Variants in WWOX observed in about 807,000 individuals in gnomAD.
The protein encoded by WWOX is WW domain containing oxidoreductase, also known as WW domain-containing oxidoreductase.
WWOX carries 69 observed loss-of-function variants against 46.2 expected under a neutral mutation model. The ratio of observed to expected loss-of-function variants is 1.49; its 90% CI spans 1.23 to 1.82. WWOX has a LOEUF of 1.82. Ranked by LOEUF, WWOX falls within the 40% of genes most tolerant of loss-of-function variation. The probability of loss-of-function intolerance (pLI) is 0.00; values close to 1 mark genes in which losing one functional copy is unlikely to be tolerated. For synonymous variants in WWOX, 359 were observed against 202.6 expected (o/e 1.77, Z -6.56); for missense variants, 919 against 542.6 (o/e 1.69, Z -6.89).
Position 79,120,759 on chromosome 16 carries a change from C to T in WWOX, c.1057-90849C>T, listed in dbSNP as rs147748969. Among the ~76,000 whole-genome samples, 141 of 152,162 alleles carry T rather than the reference C, an allele frequency of 9.3e-4. 1 individual carries two copies. The highest frequency in any genetic ancestry group is 1.9e-3 in the Non-Finnish European group (126 of 67,996). ...TCTGTCTGTCTGAAATTTCCCTCTG[C>T]GTTTATTTTTTGTTGTTGTTTGTTT... is the stretch of plus-strand genomic sequence containing the variant. On this transcript the variant is annotated intron_variant, in intron 8 of 8. Coordinates refer to ENST00000566780, the MANE Select transcript of WWOX (RefSeq NM_016373.4).
chr16:78,770,181 T>C (rs1235855032), intron 8 of WWOX, among the ~76,000 whole-genome samples: 1 of 152,036 alleles, frequency 6.6e-6, no homozygotes, highest in African/African-American at 2.4e-5. Context: ...TGAAACCCCG[T>C]CTCTACTAAA....
intron 5 of WWOX, chr16:78,281,167 ATTC>A (rs1436271429): frequency 1.3e-5 from 2 of 152,262 alleles, no homozygotes; most frequent in African/African-American, 2.4e-5. Flanking sequence ...ACCAGTAAGT[ATTC>A]TTGGGGCAAA....
intron 8 of WWOX, among the ~76,000 whole-genome samples, chr16:78,924,679 C>T (rs2045458385): frequency 6.6e-6 from 1 of 152,208 alleles, no homozygotes; most frequent in Non-Finnish European, 1.5e-5. Context: ...TATTAGTTGG[C>T]TTCTGTGTGG....
At chr16:78,912,834 G>A (rs986532170) in intron 8 of WWOX, among the ~76,000 whole-genome samples, 1 of 151,966 alleles carries the variant, frequency 6.6e-6, no homozygotes, top group Admixed American at 6.6e-5. Context: ...TCTCCCTCAA[G>A]AGGTCAGACG....
At chr16:78,345,457 CCAAAAAAAAAAAAAAAAAA>C (rs2081077007) in intron 5 of WWOX, among the ~76,000 whole-genome samples, 1 of 25,016 alleles carries the variant, frequency 4.0e-5, no homozygotes, top group African/African-American at 1.7e-4. Context: ...CCCATCGCTA[CCAAAAAAAAAAAAAAAAAA>C]AAAAAAAAAA....
intron 8 of WWOX, among the ~76,000 whole-genome samples, chr16:78,497,797 G>A (rs893256921): frequency 6.6e-6 from 1 of 151,970 alleles, no homozygotes; most frequent in African/African-American, 2.4e-5. Flanking sequence ...CACAATGAGA[G>A]GTTGTTTTAT....
intron 8 of WWOX, among the ~76,000 whole-genome samples, chr16:78,813,134 T>C (rs1032015735): frequency 6.6e-6 from 1 of 152,050 alleles, no homozygotes; most frequent in African/African-American, 2.4e-5. Context: ...AAGTGGTTGA[T>C]TGTTTTTTAG....
chr16:78,420,297 T>C (rs2082892728), intron 6 of WWOX, among the ~76,000 whole-genome samples: 1 of 152,158 alleles, frequency 6.6e-6, no homozygotes, highest in African/African-American at 2.4e-5. Context: ...AACATGCATT[T>C]CCATAGCATC....
intron 8 of WWOX, among the ~76,000 whole-genome samples, chr16:78,656,924 G>A (rs1273149888): frequency 2.6e-5 from 4 of 152,292 alleles, no homozygotes; most frequent in East Asian, 3.9e-4. Flanking sequence ...TCGATACACC[G>A]CTGCTCTGAC....
rs144044552 is a variant in WWOX at position 79,019,585 on chromosome 16, A to C, written c.1057-192023A>C. On this transcript the variant is annotated intron_variant, in intron 8 of 8. Transcript: ENST00000566780. ...CGTCTCTTTTAGGGGAAAAAACAAA[A>C]GCAGAAAGCAAGCAAGCTGGTATCC... 3.0e-3 allele frequency among the ~76,000 whole-genome samples: 455 copies of C among 152,174 alleles called. 7 individuals carry two copies. The highest frequency in any genetic ancestry group is 0.011 in the African/African-American group (439 of 41,520).
At position 78,719,574 on chromosome 16, in the gene WWOX, C is replaced by T. The variant is rs138815931; in HGVS notation, c.1056+286822C>T. ...AAGGAGAAGGGGGACTTTAAGGTTA[C>T]CTTAAAAGAAAAGAGACCCCTCAAT... On this transcript the variant is annotated intron_variant, in intron 8 of 8. Transcript: ENST00000566780. 4.4e-4 allele frequency among the ~76,000 whole-genome samples: 67 copies of T among 152,208 alleles called. No homozygotes were observed. In the East Asian group the frequency reaches 9.3e-3, roughly 21 times the overall value.
At chr16:78,639,186 C>T (rs143052971) in intron 8 of WWOX, among the ~76,000 whole-genome samples, 1 of 152,226 alleles carries the variant, frequency 6.6e-6, no homozygotes, top group East Asian at 1.9e-4. Flanking sequence ...GACTTGACTC[C>T]CAGGATGTAC....
chr16:78,735,676 C>A (rs8045608), intron 8 of WWOX, among the ~76,000 whole-genome samples: 27,892 of 152,166 alleles, frequency 0.18, 3,289 homozygotes, highest in African/African-American at 0.33. Context: ...CTTCTCCTGG[C>A]GTCACCACGG....
chr16:79,116,546 C>A (rs930296960), intron 8 of WWOX, among the ~76,000 whole-genome samples: 1 of 152,138 alleles, frequency 6.6e-6, no homozygotes, highest in African/African-American at 2.4e-5. Context: ...GAAGCAAGTG[C>A]TCATCCATTC....
intron 7 of WWOX, among the ~76,000 whole-genome samples, chr16:78,431,369 T>C (rs919779699): frequency 6.6e-6 from 1 of 152,222 alleles, no homozygotes; most frequent in Admixed American, 6.5e-5. Flanking sequence ...TAATCATTAA[T>C]TTTTAATCTA....
intron 8 of WWOX, among the ~76,000 whole-genome samples, chr16:78,623,612 A>C (rs999344159): frequency 1.3e-5 from 2 of 152,042 alleles, no homozygotes; most frequent in African/African-American, 4.8e-5. Flanking sequence ...CCCGAGAGGC[A>C]GGGGTTGCAG....
chr16:78,826,981 A>C (rs2051675043), intron 8 of WWOX, among the ~76,000 whole-genome samples: 1 of 152,186 alleles, frequency 6.6e-6, no homozygotes, highest in Non-Finnish European at 1.5e-5. Flanking sequence ...CTTGAGGACT[A>C]ACCAGCCGGG....
chr16:78,839,649 A>G (rs1382832821), intron 8 of WWOX, among the ~76,000 whole-genome samples: 2 of 152,112 alleles, frequency 1.3e-5, no homozygotes, highest in African/African-American at 4.8e-5. Flanking sequence ...TCTCACTGTT[A>G]TGGAGGGTGG....
chr16:78,321,230 C>T (rs1269605305), intron 5 of WWOX, among the ~76,000 whole-genome samples: 2 of 150,840 alleles, frequency 1.3e-5, no homozygotes, highest in Non-Finnish European at 2.9e-5. Context: ...TCCCTTGCTC[C>T]ACAATTCTCT....
Sources: gnomAD v4.1 joint callset for allele counts (sites outside exome capture counted in the v4.1 genomes callset) on GRCh38, gnomAD v4.1.1 for gene constraint, MANE v1.5 for transcripts, NCBI Gene and HGNC (gene_info 2026-07-23, HGNC 2026-07-21) for gene names.